Variants in DYNC2H1 observed in about 807,000 individuals in gnomAD.
The protein encoded by DYNC2H1 is cytoplasmic dynein 2 heavy chain 1.
In DYNC2H1, 410 loss-of-function variants were observed where a neutral mutation model predicts 570.0. The observed-to-expected ratio is 0.72, with a 90% CI of 0.66 to 0.78. The LOEUF (loss-of-function observed/expected upper bound fraction) is 0.78, where lower values mean the gene tolerates loss of function less well. DYNC2H1 is among the 30% of genes least tolerant of loss of function. The pLI is 0.00. For missense variants in DYNC2H1, 4,865 were observed against 5,046.4 expected, an observed-to-expected ratio of 0.96 and a Z score of 1.09; for synonymous variants, 1,688 against 1,677.6, an observed-to-expected ratio of 1.01 and a Z score of -0.15.
intron 59 of DYNC2H1, among the ~76,000 whole-genome samples, chr11:103,224,042 T>G (rs6591007): frequency 0.94 from 143,727 of 152,190 alleles, 67,946 homozygotes; most frequent in African/African-American, 0.98. Context: ...CACCGTGCCT[T>G]GCTGGAAATT....
intron 15 of DYNC2H1, 26 bp downstream of exon 15, chr11:103,134,445 A>G (rs1162979590): frequency 1.9e-6 from 3 of 1,551,242 alleles, no homozygotes; most frequent in Non-Finnish European, 1.8e-6. Flanking sequence ...TTTTGTGTGT[A>G]TACTTTGAAA....
chr11:103,140,706 T>A (rs1859864993), intron 17 of DYNC2H1, among the ~76,000 whole-genome samples: 1 of 152,102 alleles, frequency 6.6e-6, no homozygotes, highest in South Asian at 2.1e-4. Context: ...TCTCGAGGAG[T>A]ATCTTTGTGA....
At chr11:103,282,867 A>T (rs933615081) in intron 72 of DYNC2H1, 141 bp from the exon 73 acceptor site, 2 of 600,008 alleles carry the variant, frequency 3.3e-6, no homozygotes, top group African/African-American at 3.8e-5. Flanking sequence ...TACCATGGTG[A>T]CTTGTAAAAT....
intron 54 of DYNC2H1, among the ~76,000 whole-genome samples, chr11:103,212,289 G>T (rs1051489290): frequency 2.6e-5 from 4 of 151,934 alleles, no homozygotes; most frequent in Admixed American, 1.3e-4. Flanking sequence ...GGACTTTGGG[G>T]ACTTGGGGGT....
At chr11:103,432,012 T>G (rs1225988922) in intron 84 of DYNC2H1, among the ~76,000 whole-genome samples, 1 of 152,118 alleles carries the variant, frequency 6.6e-6, no homozygotes, top group Non-Finnish European at 1.5e-5. Flanking sequence ...AAGCCAGGGT[T>G]CAGAACGCTG....
chr11:103,189,739 C>T lies in DYNC2H1; in HGVS notation c.7360C>T (p.Leu2454=). The stretch of plus-strand genomic sequence containing the variant: ...TTTGGAACCAGTTCTACATAAAAAT[C>T]TGAAGAATCATTCTATTTGGGGTTC... ...AYLEPVLHKN[L]KNHSIWGSSS... The change falls in exon 45 of 89, where the codon CTG becomes TTG. Residue 2454 remains leucine, a synonymous_variant. Coordinates refer to ENST00000375735, the MANE Select transcript of DYNC2H1 (RefSeq NM_001377.3). The surrounding 1 kb of genome is among the most constrained non-coding windows in gnomAD (Gnocchi z 4.3). The T allele has an allele frequency of 6.2e-7, 1 of 1,612,768 alleles. No homozygotes were observed.
chr11:103,354,192 A>T (rs75588310), intron 82 of DYNC2H1, among the ~76,000 whole-genome samples: 21,614 of 149,714 alleles, frequency 0.14, 1,858 homozygotes, highest in Admixed American at 0.24. Context: ...AAAAAAAAAA[A>T]AAAAAAAAAA....
At chr11:103,286,528 A>G in intron 74 of DYNC2H1, 142 bp downstream of exon 74, 1 of 971,532 alleles carries the variant, frequency 1.0e-6, no homozygotes, top group South Asian at 1.9e-5. Context: ...TCCTTTTGCC[A>G]CCTTATTGAC....
intron 85 of DYNC2H1, among the ~76,000 whole-genome samples, chr11:103,448,369 T>C (rs1473384185): frequency 6.6e-6 from 1 of 152,186 alleles, no homozygotes; most frequent in Non-Finnish European, 1.5e-5. Flanking sequence ...TCTAAAAAGA[T>C]ACCTCTTCCA....
intron 88 of DYNC2H1, among the ~76,000 whole-genome samples, chr11:103,468,973 T>G (rs1193437853): frequency 6.6e-6 from 1 of 152,010 alleles, no homozygotes; most frequent in Non-Finnish European, 1.5e-5. Flanking sequence ...CCTTTAATGA[T>G]AATAAGAACT....
chr11:103,198,834 A>G (rs1259316967), intron 48 of DYNC2H1, among the ~76,000 whole-genome samples: 1 of 152,188 alleles, frequency 6.6e-6, no homozygotes, highest in Admixed American at 6.5e-5. Flanking sequence ...AACATTCACA[A>G]AAGATTTTTT....
At chr11:103,231,824 A>AT (rs1173274226) in intron 60 of DYNC2H1, among the ~76,000 whole-genome samples, 2 of 151,644 alleles carry the variant, frequency 1.3e-5, no homozygotes, top group African/African-American at 2.4e-5. Context: ...AAAACTATGA[A>AT]TTTTTTCTCT....
In DYNC2H1 at chr11:103,383,514, T is replaced by C. The variant is rs1407318202; in HGVS notation, c.12157-16149T>C. Among the ~76,000 whole-genome samples, 6 of 151,844 alleles carry C rather than the reference T, an allele frequency of 4.0e-5. No homozygotes were observed. The South Asian group carries it at 8.3e-4, about 21-fold the overall frequency. On this transcript the variant is annotated intron_variant, in intron 83 of 88. Coordinates refer to ENST00000375735, the MANE Select transcript of DYNC2H1 (RefSeq NM_001377.3). ...TTTGAGATGGAGTCTCGCTCTATTGTCCAGGCTGGAGTGCAGTGGCGCAAT... is the reference window on the plus strand; with the variant it reads ...TTTGAGATGGAGTCTCGCTCTATTGCCCAGGCTGGAGTGCAGTGGCGCAAT...
chr11:103,350,989 T>C (rs747374545), intron 82 of DYNC2H1, among the ~76,000 whole-genome samples: 7 of 152,226 alleles, frequency 4.6e-5, no homozygotes, highest in African/African-American at 7.2e-5. Flanking sequence ...AAAGAAGTTT[T>C]CTAATATTCC....
rs759859317 is a variant in DYNC2H1, at chr11:103,170,160, C to G, written c.5021C>G (p.Thr1674Ser). 9.3e-6 allele frequency: 15 copies of G among 1,612,958 alleles called. No individual in the cohort carries two copies. In the Admixed American group the frequency reaches 2.5e-4, roughly 27 times the overall value. Residue 1674 changes from threonine to serine, a missense_variant, in exon 33 of 89, where the codon ACT becomes AGT. By Grantham distance (58) the Thr-to-Ser change is moderately conservative. Transcript: ENST00000375735. The surrounding 1 kb of genome is among the most constrained non-coding windows in gnomAD (Gnocchi z 4.8). ...YTPLTDKCYL[T>S]LTQAMKMGLG... ...CCACTGACAGACAAGTGCTACTTAA[C>G]TCTCACTCAAGCCATGAAGATGGGA... is the stretch of plus-strand genomic sequence containing the variant.
intron 82 of DYNC2H1, among the ~76,000 whole-genome samples, chr11:103,333,060 G>C (rs903428569): frequency 6.9e-6 from 1 of 145,292 alleles, no homozygotes; most frequent in Non-Finnish European, 1.5e-5. Context: ...GACTTTATAA[G>C]ATTGTTACAG....
chr11:103,415,291 G>A (rs1391128997), intron 84 of DYNC2H1, among the ~76,000 whole-genome samples: 3 of 152,104 alleles, frequency 2.0e-5, no homozygotes, highest in East Asian at 1.9e-4. Context: ...AAAAGCAATG[G>A]CATGCAACAA....
intron 70 of DYNC2H1, among the ~76,000 whole-genome samples, chr11:103,263,351 G>C (rs1865388950): frequency 6.6e-6 from 1 of 152,058 alleles, no homozygotes; most frequent in Non-Finnish European, 1.5e-5. Flanking sequence ...TCTGGACCAA[G>C]CGGACCTAAC....
intron 12 of DYNC2H1, among the ~76,000 whole-genome samples, chr11:103,128,415 A>G (rs994837090): frequency 1.3e-5 from 2 of 152,148 alleles, no homozygotes; most frequent in Admixed American, 6.5e-5. Flanking sequence ...GGGTTGGGGA[A>G]AGTGGTTGGA....
Sources: gnomAD v4.1 joint callset for allele counts (sites outside exome capture counted in the v4.1 genomes callset) on GRCh38, gnomAD v4.1.1 for gene constraint, Gnocchi (gnomAD v3.1) non-coding constraint, MANE v1.5 for transcripts, NCBI Gene and HGNC (gene_info 2026-07-23, HGNC 2026-07-21) for gene names.